PTCD2: variants seen among roughly 807,000 people sequenced by gnomAD.
The protein encoded by PTCD2 is pentatricopeptide repeat domain 2.
A neutral mutation model predicts 42.6 loss-of-function variants in PTCD2; 31 were observed. That is an observed-to-expected ratio of 0.73 (90% CI 0.55 to 0.98). The LOEUF is 0.98. Among genes scored for constraint, PTCD2 ranks in the 50% least tolerant of loss-of-function variants. The pLI is 0.00. For missense variants in PTCD2, 476 were observed against 454.8 expected (o/e 1.05, Z -0.42); for synonymous variants, 183 against 170.9 (o/e 1.07, Z -0.55).
rs143918677 is a variant in PTCD2, at chr5:72,352,645, T to C, written c.833T>C (p.Ile278Thr). Residue 278 changes from isoleucine to threonine, a missense_variant, in exon 9 of 10, where the codon ATA becomes ACA. Coordinates refer to ENST00000380639, the MANE Select transcript of PTCD2 (RefSeq NM_024754.5). ...TTGTGTCTTCTTAATATTCAGATTA[T>C]AATCCATATCCAGTCAAATATGTTG... is the stretch of plus-strand genomic sequence containing the variant. ...ESIACINLNIIIHIQSNMLEN... is the reference protein window; with the variant it reads ...ESIACINLNITIHIQSNMLEN... 6.7e-7 allele frequency: 1 copy of C among 1,484,846 alleles called. No homozygotes were observed. The highest frequency in any genetic ancestry group is 9.4e-7 in the Non-Finnish European group (1 of 1,065,140). The allele number at this position is 1,484,846 out of a possible 1,614,324, so 92.0% of individuals were successfully genotyped here.
chr5:72,332,038 T>C (rs1033064416), intron 4 of PTCD2, among the ~76,000 whole-genome samples: 1 of 152,208 alleles, frequency 6.6e-6, no homozygotes, highest in African/African-American at 2.4e-5. Flanking sequence ...AGATGCCATG[T>C]AGAGAACAGA....
chr5:72,320,426 G>A lies in PTCD2; in HGVS notation c.44G>A (p.Arg15Gln). ...GCTGCTGCATTTCGGCCCTCGAATC[G>A]AGTTCTCCTGCAGGCGCTGCAGATT... The part of the protein sequence containing the change: ...SMAAAFRPSN[R>Q]VLLQALQILV... Residue 15 changes from arginine (R) to glutamine (Q), a missense_variant, in exon 1 of 10, where the codon CGA (arginine) becomes CAA (glutamine). Physicochemically the swap from Arg to Gln is conservative, Grantham distance 43 (BLOSUM62 1). Transcript: ENST00000380639. 1 of 1,614,196 alleles carries A rather than the reference G, an allele frequency of 6.2e-7. No homozygotes were observed. Among genetic ancestry groups the A allele is most frequent in the Non-Finnish European group, 8.5e-7 (1 of 1,180,046 alleles).
At chr5:72,336,019 G>T in intron 6 of PTCD2, 134 bp downstream of exon 6, 2 of 595,520 alleles carry the variant, frequency 3.4e-6, no homozygotes, top group South Asian at 2.4e-5. Context: ...AATTTTAAAT[G>T]TTTTTATTTT....
chr5:72,329,730 C>T lies in PTCD2; in HGVS notation c.351-1528C>T, dbSNP rs1359939285. ...CTTCACAAAAAAACTGAGTTGGGTT[C>T]TCTTCTTCCTTCCATTTTACAGATG... On this transcript the variant is annotated intron_variant, in intron 3 of 9. Transcript: ENST00000380639. Among the ~76,000 whole-genome samples, 3 of 152,060 alleles carry T rather than the reference C, an allele frequency of 2.0e-5. No homozygotes were observed. In the East Asian group the frequency reaches 5.8e-4, roughly 29 times the overall value.
chr5:72,337,079 T>G (rs1351277099), intron 6 of PTCD2, among the ~76,000 whole-genome samples: 1 of 152,180 alleles, frequency 6.6e-6, no homozygotes, highest in Non-Finnish European at 1.5e-5. Flanking sequence ...ATAGCTTATA[T>G]ATATGACTTA....
intron 8 of PTCD2, among the ~76,000 whole-genome samples, chr5:72,351,478 T>G (rs763883709): frequency 1.3e-5 from 2 of 152,200 alleles, no homozygotes; most frequent in Non-Finnish European, 2.9e-5. Flanking sequence ...CCCTAGCCAG[T>G]TACTGTTATC....
chr5:72,355,793 G>A lies in PTCD2; in HGVS notation c.943-2410G>A, dbSNP rs904031667. Among the ~76,000 whole-genome samples the A allele has an allele frequency of 5.3e-5, 8 of 152,292 alleles. No individual in the cohort carries two copies. In the South Asian group the frequency reaches 1.7e-3, roughly 32 times the overall value. ...TATTGTTAGTAATAATACTGATATT[G>A]TCATTTTGACCAACCAAGTGGCCTG... is the stretch of plus-strand genomic sequence containing the variant. On this transcript the variant is annotated intron_variant, in intron 9 of 9. Coordinates refer to ENST00000380639, the MANE Select transcript of PTCD2 (RefSeq NM_024754.5).
At position 72,358,539 on chromosome 5, in the gene PTCD2, T is replaced by C; in HGVS notation, c.*112T>C. Reference sequence around the variant, plus strand: ...CAGACAGTGTGCTGACACTTGGTCTTCTCCTGAAATTCCCAAATTCACTGA... The same window carrying C: ...CAGACAGTGTGCTGACACTTGGTCTCCTCCTGAAATTCCCAAATTCACTGA... On this transcript the variant is annotated 3_prime_UTR_variant, in exon 10 of 10. Transcript: ENST00000380639. The C allele has an allele frequency of 1.3e-6, 1 of 747,088 alleles. No homozygotes were observed. The highest frequency in any genetic ancestry group is 1.7e-5 in the South Asian group (1 of 59,024). 46.3% of individuals were successfully genotyped at this position (747,088 alleles called of 1,614,324 possible).
rs1316170522 is a variant in PTCD2, at chr5:72,352,656, C to G, written c.844C>G (p.Gln282Glu). 6.5e-7 allele frequency: 1 copy of G among 1,538,644 alleles called. No homozygotes were observed. Among genetic ancestry groups the G allele is most frequent in the South Asian group, 1.1e-5 (1 of 89,154 alleles). Residue 282 changes from glutamine to glutamate, a missense_variant, in exon 9 of 10, where the codon CAG (glutamine) becomes GAG (glutamate). Physicochemically the swap from Gln to Glu is conservative, Grantham distance 29. Transcript: ENST00000380639. The part of the protein sequence containing the change: ...CINLNIIIHI[Q>E]SNMLENLIKT... ...TAATATTCAGATTATAATCCATATC[C>G]AGTCAAATATGTTGGAAAACCTGAT...
chr5:72,350,261 A>G (rs1282246672), intron 8 of PTCD2, among the ~76,000 whole-genome samples: 3 of 151,882 alleles, frequency 2.0e-5, no homozygotes, highest in Admixed American at 2.0e-4. Context: ...CACGGATGCT[A>G]GTGGAGTATA....
intron 8 of PTCD2, among the ~76,000 whole-genome samples, chr5:72,344,023 G>C (rs1341400322): frequency 6.6e-6 from 1 of 152,204 alleles, no homozygotes; most frequent in Non-Finnish European, 1.5e-5. Context: ...AGGAAAACAA[G>C]TCACAATCAA....
chr5:72,322,179 A>T lies in PTCD2; in HGVS notation c.135A>T (p.Arg45Ser). Residue 45 changes from arginine to serine, a missense_variant, in exon 2 of 10, where the codon AGA (arginine) becomes AGT (serine). By Grantham distance (110) the Arg-to-Ser change is moderately radical (BLOSUM62 -1). Coordinates refer to ENST00000380639, the MANE Select transcript of PTCD2 (RefSeq NM_024754.5). ...TCTTTCTCTGATTTTTAGCTAAAAG[A>T]TACCTACTTACAGATAATGTGGTGA... is the stretch of plus-strand genomic sequence containing the variant. ...VSCRCPLGAK[R>S]YLLTDNVVKL... 6.4e-7 allele frequency: 1 copy of T among 1,558,156 alleles called. No homozygotes were observed. The highest frequency in any genetic ancestry group is 8.8e-7 in the Non-Finnish European group (1 of 1,132,000).
At chr5:72,348,492 C>T (rs986245543) in intron 8 of PTCD2, among the ~76,000 whole-genome samples, 1 of 152,286 alleles carries the variant, frequency 6.6e-6, no homozygotes. Flanking sequence ...ACCCAGAGGG[C>T]CCAGTTTCCT....
intron 3 of PTCD2, among the ~76,000 whole-genome samples, chr5:72,330,929 C>T (rs1751407196): frequency 6.6e-6 from 1 of 152,190 alleles, no homozygotes; most frequent in Non-Finnish European, 1.5e-5. Context: ...ACAGATGCTA[C>T]TAGACTCCTG....
intron 9 of PTCD2, among the ~76,000 whole-genome samples, chr5:72,357,633 T>A (rs1020987802): frequency 6.6e-6 from 1 of 152,222 alleles, no homozygotes; most frequent in African/African-American, 2.4e-5. Flanking sequence ...AATCATTACA[T>A]TGAACAAAGT....
Position 72,359,806 on chromosome 5 carries a change from T to G in PTCD2, c.*1379T>G, listed in dbSNP as rs923260844. Reference sequence around the variant, plus strand: ...ATTAGAATCCAGATTCCTAGTCTAGTATCCTTCCCACTGTACCACATTATC... The same window carrying G: ...ATTAGAATCCAGATTCCTAGTCTAGGATCCTTCCCACTGTACCACATTATC... On this transcript the variant is annotated 3_prime_UTR_variant, in exon 10 of 10. Transcript: ENST00000380639. The G allele has an allele frequency of 6.6e-6, 1 of 152,152 alleles. No individual in the cohort carries two copies. The highest frequency in any genetic ancestry group is 6.5e-5 in the Admixed American group (1 of 15,280). 9.4% of individuals were successfully genotyped at this position (152,152 alleles called of 1,614,324 possible). A position where few individuals can be genotyped will look rare whatever the true frequency, so the allele number is the denominator to read the frequency against.
chr5:72,334,082 T>G (rs2112157198), intron 4 of PTCD2, among the ~76,000 whole-genome samples: 1 of 152,262 alleles, frequency 6.6e-6, no homozygotes, highest in East Asian at 1.9e-4. Context: ...TTGCCCAGGC[T>G]GGTCCTGAAC....
chr5:72,327,778 T>C (rs752114637), intron 3 of PTCD2, among the ~76,000 whole-genome samples: 1 of 152,144 alleles, frequency 6.6e-6, no homozygotes, highest in Non-Finnish European at 1.5e-5. Context: ...AGCCCTCCTT[T>C]CCATTTTTAA....
intron 2 of PTCD2, among the ~76,000 whole-genome samples, chr5:72,323,356 C>G (rs1403212885): frequency 6.6e-6 from 1 of 152,040 alleles, no homozygotes. Context: ...AGAACACCAC[C>G]CTAGGTCTTT....
Sources: gnomAD v4.1 joint callset for allele counts (sites outside exome capture counted in the v4.1 genomes callset) on GRCh38, gnomAD v4.1.1 for gene constraint, MANE v1.5 for transcripts, NCBI Gene and HGNC (gene_info 2026-07-23, HGNC 2026-07-21) for gene names.